The following SLC24A2 variants were observed in gnomAD, a reference collection of about 807,000 sequenced individuals.
SLC24A2 encodes the protein solute carrier family 24 member 2, also known as sodium/potassium/calcium exchanger 2.
In SLC24A2, 36 loss-of-function variants were observed where a neutral mutation model predicts 62.0. The ratio of observed to expected loss-of-function variants is 0.58; its 90% CI spans 0.44 to 0.77. The LOEUF is 0.77. Ranked by LOEUF, SLC24A2 falls within the 30% of genes least tolerant of loss-of-function variation. The probability of loss-of-function intolerance (pLI) is 0.00; values close to 1 mark genes in which losing one functional copy is unlikely to be tolerated. For synonymous variants in SLC24A2, 358 were observed against 294.0 expected, an observed-to-expected ratio of 1.22 and a Z score of -2.23; for missense variants, 846 against 817.9, an observed-to-expected ratio of 1.03 and a Z score of -0.42.
At chr9:19,842,980 G>C in the SLC24A2 span, among the ~76,000 whole-genome samples, 1 of 152,116 alleles carries the variant, frequency 6.6e-6, no homozygotes, top group African/African-American at 2.4e-5. Flanking sequence ...ATATCCCCCA[G>C]CTGATTGTAG....
chr9:19,635,433 T>C (rs1363720524), intron 2 of SLC24A2, among the ~76,000 whole-genome samples: 1 of 152,232 alleles, frequency 6.6e-6, no homozygotes, highest in African/African-American at 2.4e-5. Context: ...GGATCTTAAA[T>C]GCTGTTAATA....
At chr9:19,570,390 G>A (rs960611095) in intron 7 of SLC24A2, among the ~76,000 whole-genome samples, 5 of 152,132 alleles carry the variant, frequency 3.3e-5, no homozygotes, top group African/African-American at 1.2e-4. Context: ...CTCTTCTATG[G>A]AGTTTTTACA....
At chr9:20,033,891 T>C in the SLC24A2 span, among the ~76,000 whole-genome samples, 1 of 152,200 alleles carries the variant, frequency 6.6e-6, no homozygotes, top group Non-Finnish European at 1.5e-5. Flanking sequence ...AGCCACCCTT[T>C]TACTCCTTTA....
At chr9:19,927,496 G>A in the SLC24A2 span, 10 of 152,224 alleles carry the variant, frequency 6.6e-5, no homozygotes, top group Admixed American at 6.5e-4. Flanking sequence ...TTTGGGCCTA[G>A]AATTGACATC....
At chr9:19,767,953 A>C (rs920953735) in intron 2 of SLC24A2, among the ~76,000 whole-genome samples, 3 of 152,156 alleles carry the variant, frequency 2.0e-5, no homozygotes, top group African/African-American at 7.2e-5. Flanking sequence ...CTGTCTGCAG[A>C]GTCCTGAGGC....
At chr9:19,907,514 G>T in the SLC24A2 span, among the ~76,000 whole-genome samples, 534 of 152,226 alleles carry the variant, frequency 3.5e-3, 4 homozygotes, top group African/African-American at 0.012. Context: ...GGTTATTCAA[G>T]TAGGAAAAGA....
chr9:20,024,308 A>T, the SLC24A2 span, among the ~76,000 whole-genome samples: 2 of 152,214 alleles, frequency 1.3e-5, no homozygotes, highest in African/African-American at 2.4e-5. Context: ...GAGACCTCAC[A>T]AAGGGCTTAG....
At chr9:19,529,128 A>G (rs1052268101) in intron 8 of SLC24A2, among the ~76,000 whole-genome samples, 3 of 152,160 alleles carry the variant, frequency 2.0e-5, no homozygotes, top group Non-Finnish European at 2.9e-5. Context: ...ATTATTGCCA[A>G]ACACTTTATT....
intron 2 of SLC24A2, among the ~76,000 whole-genome samples, chr9:19,754,790 C>T (rs2118826740): frequency 6.6e-6 from 1 of 152,158 alleles, no homozygotes; most frequent in South Asian, 2.1e-4. Flanking sequence ...TGCACAGTTC[C>T]AGTGGCAGCA....
intron 2 of SLC24A2, among the ~76,000 whole-genome samples, chr9:19,708,067 G>C (rs200553093): frequency 6.6e-6 from 1 of 152,098 alleles, no homozygotes; most frequent in South Asian, 2.1e-4. Flanking sequence ...TCACAGGATA[G>C]AAAATCAATG....
upstream of SLC24A2, among the ~76,000 whole-genome samples, chr9:19,792,787 C>T (rs1273924869): frequency 6.6e-6 from 1 of 151,974 alleles, no homozygotes; most frequent in Non-Finnish European, 1.5e-5. Flanking sequence ...CTCATACTTA[C>T]TTTGTTAATC....
chr9:19,959,135 T>C, the SLC24A2 span, among the ~76,000 whole-genome samples: 1 of 152,148 alleles, frequency 6.6e-6, no homozygotes, highest in Non-Finnish European at 1.5e-5. Context: ...TACCGTAGAT[T>C]AAGGCTAGAG....
chr9:20,241,909 A>G, the SLC24A2 span, among the ~76,000 whole-genome samples: 64,528 of 152,010 alleles, frequency 0.42, 15,302 homozygotes, highest in African/African-American at 0.65. Flanking sequence ...ACTTCCACCA[A>G]TGCCTATTCC....
the SLC24A2 span, among the ~76,000 whole-genome samples, chr9:20,239,775 C>T: frequency 6.6e-6 from 1 of 152,086 alleles, no homozygotes; most frequent in Non-Finnish European, 1.5e-5. Context: ...TATCCCCATG[C>T]TTAACACATA....
chr9:20,056,893 C>A, the SLC24A2 span, among the ~76,000 whole-genome samples: 13 of 152,202 alleles, frequency 8.5e-5, no homozygotes, highest in Non-Finnish European at 1.9e-4. Flanking sequence ...TAAAAAACCC[C>A]TCTCTTTACA....
chr9:20,108,033 T>G, the SLC24A2 span, among the ~76,000 whole-genome samples: 559 of 151,964 alleles, frequency 3.7e-3, 2 homozygotes, highest in African/African-American at 0.012. Flanking sequence ...CAAAAAGTGG[T>G]TGAAGGACAT....
intron 2 of SLC24A2, among the ~76,000 whole-genome samples, chr9:19,697,036 A>C (rs1012415628): frequency 3.9e-5 from 6 of 152,142 alleles, no homozygotes; most frequent in African/African-American, 7.2e-5. Flanking sequence ...GTAAATTTTT[A>C]ATTGCTAAAA....
the SLC24A2 span, among the ~76,000 whole-genome samples, chr9:20,155,275 T>C: frequency 6.6e-6 from 1 of 151,710 alleles, no homozygotes; most frequent in Non-Finnish European, 1.5e-5. Flanking sequence ...AAAATAAAAG[T>C]ACCTGTATTC....
At chr9:20,096,068 T>TATCCATCCATCC in the SLC24A2 span, among the ~76,000 whole-genome samples, 17 of 149,778 alleles carry the variant, frequency 1.1e-4, no homozygotes, top group Non-Finnish European at 2.1e-4. Context: ...ACCATATCTG[T>TATCCATCCATCC]ATCCATCCAT....
Sources: allele counts gnomAD v4.1 joint callset (sites outside exome capture counted in the v4.1 genomes callset), GRCh38; gene constraint gnomAD v4.1.1; transcripts MANE v1.5; gene names NCBI Gene and HGNC (gene_info 2026-07-23, HGNC 2026-07-21).